ESYT2: variants seen among roughly 807,000 people sequenced by gnomAD.
The protein encoded by ESYT2 is extended synaptotagmin 2.
Under a neutral mutation model 107.2 loss-of-function variants are expected in ESYT2, and 54 were observed. The ratio of observed to expected loss-of-function variants is 0.50; its 90% confidence interval spans 0.40 to 0.63. The LOEUF (loss-of-function observed/expected upper bound fraction) is 0.63, where lower values mean the gene tolerates loss of function less well. Ranked by LOEUF, ESYT2 falls within the 30% of genes least tolerant of loss-of-function variation. ESYT2 has a pLI of 0.00. For synonymous variants in ESYT2, 491 were observed against 434.1 expected, an observed-to-expected ratio of 1.13 and a Z score of -1.63; for missense variants, 1,020 against 1,094.5, an observed-to-expected ratio of 0.93 and a Z score of 0.96.
intron 6 of ESYT2, among the ~76,000 whole-genome samples, chr7:158,780,482 G>A (rs957381047): frequency 1.3e-5 from 2 of 152,134 alleles, no homozygotes; most frequent in Non-Finnish European, 2.9e-5. Context: ...AACCAAACAA[G>A]CAGAGACTAT....
At chr7:158,826,819 C>CAAA (rs10685364) in intron 1 of ESYT2, among the ~76,000 whole-genome samples, 89,470 of 116,742 alleles carry the variant, frequency 0.77, 34,999 homozygotes, top group South Asian at 0.84. Context: ...GATTCCGTCT[C>CAAA]AAAAAAAAAA....
chr7:158,802,718 AAATT>A (rs1174682167), intron 1 of ESYT2, among the ~76,000 whole-genome samples: 5 of 152,264 alleles, frequency 3.3e-5, no homozygotes, highest in African/African-American at 1.2e-4. Context: ...TCCTCTTTAA[AAATT>A]AATAGCCTAG....
Position 158,829,338 on chromosome 7 carries a change from GC to G in ESYT2, c.80del (p.Gly27AlafsTer3). On this transcript the variant is annotated frameshift_variant, in exon 1 of 23. Transcript: ENST00000275418. LOFTEE classifies it high-confidence loss of function. ...GCCCGGGCAGCTCCACGCTCAGCACGCCCCCGGGGTTCTCAGGCGCCGCGCG... is the reference window on the plus strand; with the variant it reads ...GCCCGGGCAGCTCCACGCTCAGCACGCCCCGGGGTTCTCAGGCGCCGCGCG... The part of the protein sequence containing the change: ...GGRAAPENPG[G>X]VLSVELPGLL... 1 of 1,448,044 alleles carries G rather than the reference GC, an allele frequency of 6.9e-7. No individual in the cohort carries two copies. The highest frequency in any genetic ancestry group is 9.0e-7 in the Non-Finnish European group (1 of 1,107,142). 89.7% of individuals were successfully genotyped at this position (1,448,044 alleles called of 1,614,324 possible).
At chr7:158,773,979 G>A (rs1838464011) in intron 6 of ESYT2, among the ~76,000 whole-genome samples, 1 of 152,158 alleles carries the variant, frequency 6.6e-6, no homozygotes, top group South Asian at 2.1e-4. Context: ...CCAATTAGCA[G>A]ACCATGCTCT....
chr7:158,803,332 C>G (rs1338828098), intron 1 of ESYT2, among the ~76,000 whole-genome samples: 1 of 152,198 alleles, frequency 6.6e-6, no homozygotes, highest in Non-Finnish European at 1.5e-5. Flanking sequence ...AAAAATGGAA[C>G]AGATAAGGCA....
chr7:158,786,999 C>T (rs558309529), intron 6 of ESYT2, among the ~76,000 whole-genome samples: 1 of 152,224 alleles, frequency 6.6e-6, no homozygotes, highest in Non-Finnish European at 1.5e-5. Context: ...AAGAAAAAGG[C>T]ACAGGGAGGT....
chr7:158,812,769 T>C (rs1449694517), intron 1 of ESYT2, among the ~76,000 whole-genome samples: 1 of 152,218 alleles, frequency 6.6e-6, no homozygotes, highest in Non-Finnish European at 1.5e-5. Flanking sequence ...GATACACTGG[T>C]ATACGCTACA....
intron 18 of ESYT2, among the ~76,000 whole-genome samples, chr7:158,740,524 C>T (rs1837153693): frequency 6.7e-6 from 1 of 149,948 alleles, no homozygotes; most frequent in Non-Finnish European, 1.5e-5. Context: ...GTGCTCTCTT[C>T]CCATCTGATG....
At chr7:158,794,205 C>T (rs1159894074) in intron 3 of ESYT2, among the ~76,000 whole-genome samples, 4 of 152,244 alleles carry the variant, frequency 2.6e-5, no homozygotes. Context: ...TTTCTTAAGA[C>T]TTTCACGCCC....
chr7:158,784,365 C>T (rs1563018175), intron 6 of ESYT2, among the ~76,000 whole-genome samples: 1 of 152,236 alleles, frequency 6.6e-6, no homozygotes. Context: ...AACACTGCAA[C>T]CCTCCTACCC....
chr7:158,736,976 G>T (rs1434227276), intron 20 of ESYT2, 72 bp downstream of exon 20: 2 of 1,581,302 alleles, frequency 1.3e-6, no homozygotes, highest in Non-Finnish European at 8.6e-7. Context: ...CCACTCAAAG[G>T]CACCATTTAG....
intron 13 of ESYT2, among the ~76,000 whole-genome samples, chr7:158,754,311 ATTCTC>A (rs1837681270): frequency 6.6e-6 from 1 of 151,886 alleles, no homozygotes; most frequent in Non-Finnish European, 1.5e-5. Context: ...GGTTCAAGCG[ATTCTC>A]CTCCCTCAGC....
At chr7:158,779,853 G>A (rs1490002589) in intron 6 of ESYT2, among the ~76,000 whole-genome samples, 1 of 152,212 alleles carries the variant, frequency 6.6e-6, no homozygotes, top group Non-Finnish European at 1.5e-5. Flanking sequence ...GCTATGCAGA[G>A]CTTATGAACA....
At chr7:158,818,824 C>G (rs973522295) in intron 1 of ESYT2, among the ~76,000 whole-genome samples, 2 of 152,224 alleles carry the variant, frequency 1.3e-5, no homozygotes, top group African/African-American at 4.8e-5. Flanking sequence ...CCACACCCAC[C>G]AGAGCCAGAG....
intron 1 of ESYT2, among the ~76,000 whole-genome samples, chr7:158,800,306 C>G (rs1333228261): frequency 2.6e-5 from 4 of 152,190 alleles, no homozygotes; most frequent in Non-Finnish European, 5.9e-5. Context: ...CTCTGCCTCC[C>G]AAAGTGCTGA....
chr7:158,810,046 G>A (rs1839952209), intron 1 of ESYT2, among the ~76,000 whole-genome samples: 1 of 152,200 alleles, frequency 6.6e-6, no homozygotes, highest in African/African-American at 2.4e-5. Context: ...TGATGAAGAC[G>A]TGGGGAAATC....
chr7:158,792,002 T>C (rs1273786710), intron 4 of ESYT2, among the ~76,000 whole-genome samples: 1 of 143,612 alleles, frequency 7.0e-6, no homozygotes, highest in Non-Finnish European at 1.5e-5. Context: ...AGTTTATTCC[T>C]AAGTATTTTA....
rs769649305 is a variant in ESYT2, at chr7:158,734,264, A to G, written c.2556-12T>C. On this transcript the variant is annotated splice_polypyrimidine_tract_variant and intron_variant, in intron 22 of 22. Coordinates refer to ENST00000275418, the MANE Select transcript of ESYT2 (RefSeq NM_001367773.1). Reference sequence around the variant, plus strand: ...CCGTGAGGTCATACCTGAGAAAGACAGTGACAGGAAGGTGGTGACGGATAC... The same window carrying G: ...CCGTGAGGTCATACCTGAGAAAGACGGTGACAGGAAGGTGGTGACGGATAC... The G allele has an allele frequency of 2.5e-6, 4 of 1,614,162 alleles. No individual in the cohort carries two copies. The South Asian group carries it at 4.4e-5, about 18-fold the overall frequency.
chr7:158,746,632 G>T (rs1220755235), intron 16 of ESYT2, among the ~76,000 whole-genome samples: 1 of 152,128 alleles, frequency 6.6e-6, no homozygotes, highest in Non-Finnish European at 1.5e-5. Context: ...ATACATATGG[G>T]CAACTGAATT....
Sources: gnomAD v4.1 joint callset for allele counts (sites outside exome capture counted in the v4.1 genomes callset) on GRCh38, gnomAD v4.1.1 for gene constraint, MANE v1.5 for transcripts, NCBI Gene and HGNC (gene_info 2026-07-23, HGNC 2026-07-21) for gene names.